The following RTEL1 variants were observed in gnomAD, a reference collection of about 807,000 sequenced individuals.
RTEL1 encodes regulator of telomere length.
Under a neutral mutation model 162.2 loss-of-function variants are expected in RTEL1, and 86 were observed. The ratio of observed to expected loss-of-function variants is 0.53; its 90% CI spans 0.45 to 0.63. The LOEUF is 0.63. Ranked by LOEUF, RTEL1 falls within the 30% of genes least tolerant of loss-of-function variation. The probability of loss-of-function intolerance (pLI) is 0.00; values close to 1 mark genes in which losing one functional copy is unlikely to be tolerated. For missense variants in RTEL1, 1,941 were observed against 1,750.2 expected, an observed-to-expected ratio of 1.11 and a Z score of -1.95; for synonymous variants, 958 against 717.9, an observed-to-expected ratio of 1.33 and a Z score of -5.35.
At chr20:63,693,107 A>C (rs1193210449) in intron 29 of RTEL1, 36 bp from the exon 30 acceptor site, 4 of 1,611,510 alleles carry the variant, frequency 2.5e-6, no homozygotes, top group Non-Finnish European at 3.4e-6. Context: ...CTAGAGAAAA[A>C]GGGGCAGATG....
At chr20:63,678,871 A>C (rs2090426130) in intron 12 of RTEL1, among the ~76,000 whole-genome samples, 1 of 114,664 alleles carries the variant, frequency 8.7e-6, no homozygotes, top group Admixed American at 8.2e-5. Flanking sequence ...AGACTCTCCC[A>C]CGGAACAGCA....
At chr20:63,659,026 CTTT>C (rs1366125554) in intron 1 of RTEL1, among the ~76,000 whole-genome samples, 4 of 152,214 alleles carry the variant, frequency 2.6e-5, no homozygotes, top group African/African-American at 9.6e-5. Context: ...CTGTGGGCGT[CTTT>C]TCCAGAGAAG....
chr20:63,677,515 A>G (rs2090380574), intron 10 of RTEL1, among the ~76,000 whole-genome samples: 1 of 152,222 alleles, frequency 6.6e-6, no homozygotes, highest in Admixed American at 6.5e-5. Context: ...GTCGGGAGAC[A>G]GACACGAGAA....
chr20:63,675,855 T>TCTC (rs2090338755), intron 10 of RTEL1, among the ~76,000 whole-genome samples: 1 of 152,222 alleles, frequency 6.6e-6, no homozygotes, highest in African/African-American at 2.4e-5. Flanking sequence ...CCTTCCCTCA[T>TCTC]CTCGGCAGCT....
chr20:63,692,548 C>T, intron 28 of RTEL1: 1 of 555,574 alleles, frequency 1.8e-6, no homozygotes, highest in Admixed American at 3.1e-5. Flanking sequence ...GAGGCAGAGC[C>T]AATCTACCCT....
intron 13 of RTEL1, 32 bp downstream of exon 13, chr20:63,679,978 C>G (rs376834751): frequency 9.2e-6 from 14 of 1,525,736 alleles, no homozygotes; most frequent in African/African-American, 1.4e-5. Flanking sequence ...TTGGTGCGGG[C>G]AAATGTGGCG....
chr20:63,680,114 C>T (rs990893844), intron 13 of RTEL1, among the ~76,000 whole-genome samples, 168 bp downstream of exon 13: 2 of 152,252 alleles, frequency 1.3e-5, no homozygotes, highest in African/African-American at 4.8e-5. Flanking sequence ...GTGCCACTTG[C>T]CAGCTGCCGT....
chr20:63,692,034 GC>G (rs1452951026), intron 28 of RTEL1, 197 bp downstream of exon 28: 1 of 549,900 alleles, frequency 1.8e-6, no homozygotes, highest in Non-Finnish European at 3.3e-6. Context: ...ATGAGTCCCA[GC>G]TGGAATCAGG....
In RTEL1 at chr20:63,691,746, A is replaced by C. The variant is rs747542418; in HGVS notation, c.2561A>C (p.His854Pro). ...TGTGAGCTGTGTCCTCCTCAGGCCC[A>C]CAGCTGCTCCACCCTGTCCCTCCTG... The part of the protein sequence containing the change: ...RAGSPGEEQA[H>P]SCSTLSLLSE... The change falls in exon 28 of 35, where the codon CAC (histidine) becomes CCC (proline). Residue 854 changes from histidine (H) to proline (P), a missense_variant. Physicochemically the swap from His to Pro is moderately conservative, Grantham distance 77. Coordinates refer to ENST00000360203, the MANE Select transcript of RTEL1 (RefSeq NM_001283009.2). 8 of 1,612,180 alleles carry C rather than the reference A, an allele frequency of 5.0e-6. No homozygotes were observed. The African/African-American group carries it at 1.1e-4, about 22-fold the overall frequency.
At chr20:63,672,496 C>T (rs752691366) in intron 8 of RTEL1, 60 bp from the exon 9 acceptor site, 26 of 1,358,746 alleles carry the variant, frequency 1.9e-5, no homozygotes, top group Non-Finnish European at 2.6e-5. Context: ...CATGTCTTGG[C>T]TTCCCTCTTT....
rs761666401 is a variant in RTEL1 at position 63,690,307 on chromosome 20, C to T, written c.2279C>T (p.Ala760Val). Residue 760 changes from alanine to valine, a missense_variant, in exon 26 of 35, where the codon GCC becomes GTC. Coordinates refer to ENST00000360203, the MANE Select transcript of RTEL1 (RefSeq NM_001283009.2). ...RVAERTMPAP[A>V]PRATAPSVRG... ...ATGGTTCTGCAGATGCCAGCGCCGG[C>T]CCCCCGGGCTACAGCACCCAGTGTG... 1.1e-5 allele frequency: 17 copies of T among 1,601,670 alleles called. No homozygotes were observed. In the South Asian group the frequency reaches 1.4e-4, roughly 14 times the overall value.
intron 14 of RTEL1, chr20:63,682,749 C>G: frequency 1.1e-6 from 1 of 945,290 alleles, no homozygotes; most frequent in Non-Finnish European, 1.3e-6. Context: ...CCAGTGGCCC[C>G]AGGAAGAGGA....
chr20:63,682,207 C>G, intron 14 of RTEL1: 1 of 985,478 alleles, frequency 1.0e-6, no homozygotes, highest in East Asian at 1.1e-4. Flanking sequence ...GAACTGAATC[C>G]TGGAATGCGG....
chr20:63,684,189 A>C, intron 14 of RTEL1, among the ~76,000 whole-genome samples: 1 of 152,048 alleles, frequency 6.6e-6, no homozygotes, highest in East Asian at 1.9e-4. Context: ...GGGGTGTGAA[A>C]GGCAGACTCT....
chr20:63,676,586 G>A (rs892294912), intron 10 of RTEL1, among the ~76,000 whole-genome samples: 30 of 152,130 alleles, frequency 2.0e-4, no homozygotes, highest in Non-Finnish European at 2.9e-5. Context: ...TTAGGACCAC[G>A]CCCTGCACCA....
intron 10 of RTEL1, among the ~76,000 whole-genome samples, chr20:63,675,628 C>A (rs1435338521): frequency 6.6e-6 from 1 of 152,088 alleles, no homozygotes; most frequent in Non-Finnish European, 1.5e-5. Context: ...ATCTTCCCGT[C>A]TCAGCGTCTT....
At chr20:63,675,204 C>G (rs1198235561) in intron 10 of RTEL1, among the ~76,000 whole-genome samples, 3 of 152,244 alleles carry the variant, frequency 2.0e-5, no homozygotes, top group Non-Finnish European at 2.9e-5. Flanking sequence ...CACGCCCGGC[C>G]TTTGTCCATA....
intron 2 of RTEL1, among the ~76,000 whole-genome samples, chr20:63,659,875 A>AT (rs1191374815): frequency 1.3e-5 from 2 of 152,188 alleles, no homozygotes; most frequent in Non-Finnish European, 2.9e-5. Flanking sequence ...ATTAATTACT[A>AT]TTTTCACTAT....
rs2090575431 is a variant in RTEL1, at chr20:63,685,617, G to A, written c.1266+20G>A. The A allele has an allele frequency of 1.9e-6, 3 of 1,604,764 alleles. No homozygotes were observed. The highest frequency in any genetic ancestry group is 2.5e-6 in the Non-Finnish European group (3 of 1,176,710). ...TATAAGGTAGGGGCCACCTCCAGGAGGCAGGTGGAGGGCAGCCCTTGTTCC... is the reference window on the plus strand; with the variant it reads ...TATAAGGTAGGGGCCACCTCCAGGAAGCAGGTGGAGGGCAGCCCTTGTTCC... On this transcript the variant is annotated intron_variant, in intron 15 of 34. Coordinates refer to ENST00000360203, the MANE Select transcript of RTEL1 (RefSeq NM_001283009.2).
Sources: gnomAD v4.1 joint callset for allele counts (sites outside exome capture counted in the v4.1 genomes callset) on GRCh38, gnomAD v4.1.1 for gene constraint, MANE v1.5 for transcripts, NCBI Gene and HGNC (gene_info 2026-07-23, HGNC 2026-07-21) for gene names.